ARHGEF38: variants seen among roughly 807,000 people sequenced by gnomAD.
The protein encoded by ARHGEF38 is Rho guanine nucleotide exchange factor 38.
ARHGEF38 carries 79 observed loss-of-function variants against 79.9 expected under a neutral mutation model. That is an observed-to-expected ratio of 0.99 (90% CI 0.82 to 1.19). The LOEUF (loss-of-function observed/expected upper bound fraction) is 1.19, where lower values mean the gene tolerates loss of function less well. ARHGEF38 is among the 50% of genes most tolerant of loss of function. ARHGEF38 has a pLI of 0.00. For missense variants in ARHGEF38, 962 were observed against 907.2 expected (o/e 1.06, Z -0.78); for synonymous variants, 366 against 328.3 (o/e 1.11, Z -1.24).
chr4:105,568,251 A>T (rs1726039254), intron 1 of ARHGEF38, among the ~76,000 whole-genome samples: 1 of 152,006 alleles, frequency 6.6e-6, no homozygotes, highest in Admixed American at 6.6e-5. Context: ...GCTCATCATC[A>T]CTGGCCATCA....
intron 1 of ARHGEF38, among the ~76,000 whole-genome samples, chr4:105,558,596 G>A (rs938813582): frequency 5.9e-5 from 9 of 152,114 alleles, no homozygotes; most frequent in Non-Finnish European, 1.5e-5. Flanking sequence ...AGAAACCAGT[G>A]TAAAACACGG....
At chr4:105,649,722 T>C (rs973347372) in intron 7 of ARHGEF38, among the ~76,000 whole-genome samples, 1 of 152,152 alleles carries the variant, frequency 6.6e-6, no homozygotes, top group Non-Finnish European at 1.5e-5. Flanking sequence ...TCTTTTCTCC[T>C]TCCGTTAAGT....
intron 5 of ARHGEF38, among the ~76,000 whole-genome samples, chr4:105,643,135 T>G (rs956500601): frequency 6.1e-5 from 9 of 147,984 alleles, no homozygotes; most frequent in East Asian, 1.9e-4. Context: ...TTTTGTTAGT[T>G]TTTTTTTTTC....
intron 1 of ARHGEF38, among the ~76,000 whole-genome samples, chr4:105,567,755 T>C (rs1235955259): frequency 6.6e-6 from 1 of 152,182 alleles, no homozygotes; most frequent in Non-Finnish European, 1.5e-5. Context: ...TTTAAAAAAT[T>C]AATATTAAAT....
In ARHGEF38 at chr4:105,680,196, G is replaced by A; in HGVS notation, c.*2259G>A. 1 of 500,014 alleles carries A rather than the reference G, an allele frequency of 2.0e-6. No individual in the cohort carries two copies. The highest frequency in any genetic ancestry group is 3.7e-6 in the Non-Finnish European group (1 of 268,810). 31.0% of individuals were successfully genotyped at this position (500,014 alleles called of 1,614,324 possible). On this transcript the variant is annotated 3_prime_UTR_variant, in exon 14 of 14. Transcript: ENST00000420470. ...CTGACTTTAAGGCCTTTCTTTTAGT[G>A]TTTTCCCTTTTCTTTTCCTTAAGTC...
rs1424926443 is a variant in ARHGEF38, at chr4:105,555,990, C to T, written c.196+3029C>T. ...TAACCAGGACATCCTAAAACCTTTG[C>T]AGAAGATTGTGATCACATCAACATA... On this transcript the variant is annotated intron_variant, in intron 1 of 13. Coordinates refer to ENST00000420470, the MANE Select transcript of ARHGEF38 (RefSeq NM_001242729.2). Among the ~76,000 whole-genome samples the T allele has an allele frequency of 3.9e-5, 6 of 152,116 alleles. No individual in the cohort carries two copies. The East Asian group carries it at 9.6e-4, about 24-fold the overall frequency.
At chr4:105,611,060 C>T (rs938186463) in intron 2 of ARHGEF38, among the ~76,000 whole-genome samples, 4 of 152,070 alleles carry the variant, frequency 2.6e-5, no homozygotes, top group Non-Finnish European at 4.4e-5. Flanking sequence ...GAGCATGGCT[C>T]CTTTCTTCAC....
chr4:105,644,445 T>C (rs747769672), intron 5 of ARHGEF38, among the ~76,000 whole-genome samples: 2 of 152,228 alleles, frequency 1.3e-5, no homozygotes, highest in Non-Finnish European at 1.5e-5. Context: ...ACCAAGCTTG[T>C]AGCTTCTTCC....
chr4:105,637,381 A>G (rs1048648827), intron 5 of ARHGEF38, among the ~76,000 whole-genome samples: 3 of 152,122 alleles, frequency 2.0e-5, no homozygotes, highest in Non-Finnish European at 4.4e-5. Context: ...CCAGACAGGC[A>G]ACCAGTTCTC....
At chr4:105,581,032 C>G (rs1726763242) in intron 1 of ARHGEF38, among the ~76,000 whole-genome samples, 1 of 152,186 alleles carries the variant, frequency 6.6e-6, no homozygotes. Flanking sequence ...ATAATAGAGA[C>G]TGTAAGGAAG....
intron 1 of ARHGEF38, among the ~76,000 whole-genome samples, chr4:105,557,767 C>G (rs998922266): frequency 1.3e-5 from 2 of 152,060 alleles, no homozygotes; most frequent in Admixed American, 1.3e-4. Flanking sequence ...GCCTGCAGAA[C>G]TGTGAAAAAT....
chr4:105,609,971 T>C (rs1728219016), intron 2 of ARHGEF38, among the ~76,000 whole-genome samples: 1 of 152,056 alleles, frequency 6.6e-6, no homozygotes, highest in South Asian at 2.1e-4. Context: ...TGCCCATCCA[T>C]GATAGACCGG....
intron 3 of ARHGEF38, among the ~76,000 whole-genome samples, chr4:105,627,647 C>T (rs1404607683): frequency 6.6e-6 from 1 of 152,090 alleles, no homozygotes; most frequent in African/African-American, 2.4e-5. Flanking sequence ...ATTTATTTTA[C>T]AGGATTCTGG....
chr4:105,652,723 T>TA (rs5860806), intron 7 of ARHGEF38, among the ~76,000 whole-genome samples: 3 of 151,338 alleles, frequency 2.0e-5, no homozygotes, highest in Non-Finnish European at 4.4e-5. Context: ...AAACTGCATT[T>TA]AAAAAAAAAT....
At chr4:105,649,451 G>A (rs1017952869) in intron 7 of ARHGEF38, among the ~76,000 whole-genome samples, 2 of 152,318 alleles carry the variant, frequency 1.3e-5, no homozygotes, top group Middle Eastern at 3.4e-3. Context: ...TGATTTTAAA[G>A]TAAGTTATCA....
At position 105,667,414 on chromosome 4, in the gene ARHGEF38, G is replaced by T. The variant is rs1182096310; in HGVS notation, c.1889-30G>T. 7.2e-6 allele frequency: 11 copies of T among 1,534,294 alleles called. No individual in the cohort carries two copies. The African/African-American group carries it at 8.2e-5, about 11-fold the overall frequency. ...TTGGGAAGAGTATACCCATGAACTT[G>T]GTTCTTCTTTCTTTTTATTTCCTAT... is the stretch of plus-strand genomic sequence containing the variant. On this transcript the variant is annotated intron_variant, in intron 12 of 13. Coordinates refer to ENST00000420470, the MANE Select transcript of ARHGEF38 (RefSeq NM_001242729.2).
At position 105,612,534 on chromosome 4, in the gene ARHGEF38, G is replaced by A. The variant is rs78232092; in HGVS notation, c.385-850G>A. Among the ~76,000 whole-genome samples the A allele has an allele frequency of 2.9e-3, 442 of 152,166 alleles. 9 individuals are homozygous for A. In the East Asian group the frequency reaches 0.044, roughly 15 times the overall value. On this transcript the variant is annotated intron_variant, in intron 2 of 13. Transcript: ENST00000420470. ...AGCCCAGTAGAGCCTGCACCAATAC[G>A]GCTGTGGCCTGACCAGTCACTATAT... is the stretch of plus-strand genomic sequence containing the variant.
intron 13 of ARHGEF38, among the ~76,000 whole-genome samples, chr4:105,669,155 A>G (rs1204132665): frequency 1.3e-5 from 2 of 152,214 alleles, no homozygotes; most frequent in African/African-American, 4.8e-5. Context: ...CTGTGCATAT[A>G]CAAACACATT....
Position 105,678,031 on chromosome 4 carries a change from A to G in ARHGEF38, c.*94A>G. 9.3e-7 allele frequency: 1 copy of G among 1,074,950 alleles called. No individual in the cohort carries two copies. Among genetic ancestry groups the G allele is most frequent in the Non-Finnish European group, 1.3e-6 (1 of 778,668 alleles). 66.6% of individuals were successfully genotyped at this position (1,074,950 alleles called of 1,614,324 possible). On this transcript the variant is annotated 3_prime_UTR_variant, in exon 14 of 14. Transcript: ENST00000420470. ...AAAACTTTGGACCAGAAAGCAAGAA[A>G]CCTCTGAACTACAGAAACTGATACT...
Sources: allele counts gnomAD v4.1 joint callset (sites outside exome capture counted in the v4.1 genomes callset), GRCh38; gene constraint gnomAD v4.1.1; transcripts MANE v1.5; gene names NCBI Gene and HGNC (gene_info 2026-07-23, HGNC 2026-07-21).